SEC14L3: variants seen among roughly 807,000 people sequenced by gnomAD.
The protein encoded by SEC14L3 is SEC14-like protein 3.
SEC14L3 carries 56 observed loss-of-function variants against 57.4 expected under a neutral mutation model. The observed-to-expected ratio is 0.97, with a 90% CI of 0.79 to 1.22. The LOEUF is 1.22. Ranked by LOEUF, SEC14L3 falls within the 50% of genes most tolerant of loss-of-function variation. The probability of loss-of-function intolerance (pLI) is 0.00; values close to 1 mark genes in which losing one functional copy is unlikely to be tolerated. For missense variants in SEC14L3, 485 were observed against 511.7 expected (o/e 0.95, Z 0.50); for synonymous variants, 173 against 194.4 (o/e 0.89, Z 0.92).
At chr22:30,458,990 C>T (rs896941996), downstream of SEC14L3, among the ~76,000 whole-genome samples, 1 of 152,152 alleles carries the variant, frequency 6.6e-6, no homozygotes, top group South Asian at 2.1e-4. Context: ...GGGTGGGCGA[C>T]AGAGCGAGAC....
At chr22:30,460,802 T>C (rs572934379) in intron 11 of SEC14L3, among the ~76,000 whole-genome samples, 1 of 130,820 alleles carries the variant, frequency 7.6e-6, no homozygotes, top group South Asian at 2.3e-4. Flanking sequence ...CACTCCAGCC[T>C]GGACAACAAG....
intron 4 of SEC14L3, 113 bp from the exon 5 acceptor site, chr22:30,468,809 C>A (rs755950611): frequency 6.3e-7 from 1 of 1,592,604 alleles, no homozygotes; most frequent in South Asian, 1.1e-5. Flanking sequence ...AAAGCACTGT[C>A]CCTCCCTGGA....
chr22:30,461,067 G>A (rs1935239563), intron 11 of SEC14L3, among the ~76,000 whole-genome samples: 1 of 152,190 alleles, frequency 6.6e-6, no homozygotes, highest in Non-Finnish European at 1.5e-5. Context: ...ATCACTTGTT[G>A]TCTGTGTTCT....
intron 2 of SEC14L3, 36 bp downstream of exon 2, chr22:30,470,471 C>A: frequency 6.2e-7 from 1 of 1,612,960 alleles, no homozygotes; most frequent in Non-Finnish European, 8.5e-7. Flanking sequence ...CCTCTTGATG[C>A]CCCCTGATCC....
chr22:30,453,500 C>T (rs1265526865), intron 12 of SEC14L3, among the ~76,000 whole-genome samples: 1 of 152,176 alleles, frequency 6.6e-6, no homozygotes, highest in African/African-American at 2.4e-5. Context: ...GCAACCTCCA[C>T]CTCCCGAGTC....
At chr22:30,469,963 G>T in intron 4 of SEC14L3, 56 bp downstream of exon 4, 1 of 1,358,026 alleles carries the variant, frequency 7.4e-7, no homozygotes, top group Non-Finnish European at 1.0e-6. Flanking sequence ...ATGGTCCCCA[G>T]TGACCTTGAG....
downstream of SEC14L3, among the ~76,000 whole-genome samples, chr22:30,455,135 T>C (rs796883226): frequency 1.0e-5 from 1 of 96,652 alleles, no homozygotes; most frequent in African/African-American, 4.3e-5. Context: ...ATATTATATT[T>C]AATATTTAAT....
chr22:30,454,518 TTATTATATATAATCTATAATAA>T (rs1569224905), downstream of SEC14L3, among the ~76,000 whole-genome samples: 7 of 123,052 alleles, frequency 5.7e-5, no homozygotes, highest in African/African-American at 1.6e-4. Flanking sequence ...TATAATAATA[TTATTATATATAATCTATAATAA>T]TATTATATAT....
At chr22:30,460,242 T>G (rs925051060) in intron 11 of SEC14L3, 100 bp from the exon 12 acceptor site, 2 of 1,523,600 alleles carry the variant, frequency 1.3e-6, no homozygotes, top group Admixed American at 1.9e-5. Flanking sequence ...CCCACTGGCT[T>G]TGTTTGCCAA....
chr22:30,457,466 T>C (rs1281446346), downstream of SEC14L3, among the ~76,000 whole-genome samples: 2 of 145,546 alleles, frequency 1.4e-5, no homozygotes, highest in African/African-American at 2.5e-5. Flanking sequence ...CACTGCAATC[T>C]CCACCTCCTG....
At chr22:30,455,712 G>A (rs1156555158), downstream of SEC14L3, among the ~76,000 whole-genome samples, 1 of 151,870 alleles carries the variant, frequency 6.6e-6, no homozygotes, top group African/African-American at 2.4e-5. Context: ...GCATAGTGTT[G>A]CCCACCGGTG....
intron 8 of SEC14L3, among the ~76,000 whole-genome samples, chr22:30,463,524 A>C (rs1392789062): frequency 2.6e-5 from 4 of 152,248 alleles, no homozygotes; most frequent in Non-Finnish European, 5.9e-5. Context: ...AAGGCGTAGA[A>C]GGCATGAGCC....
In SEC14L3 at chr22:30,464,913, T is replaced by C. The variant is rs371741558; in HGVS notation, c.581-10A>G. Reference sequence around the variant, plus strand: ...GGGAACAGTTTGGTAGCTGGAGAGATAGAAGTAAGGATAATGGGAAGAAAA... The same window carrying C: ...GGGAACAGTTTGGTAGCTGGAGAGACAGAAGTAAGGATAATGGGAAGAAAA... On this transcript the variant is annotated splice_polypyrimidine_tract_variant and intron_variant, in intron 7 of 11. Coordinates refer to ENST00000215812, the MANE Select transcript of SEC14L3 (RefSeq NM_174975.5). The C allele has an allele frequency of 4.3e-6, 7 of 1,613,698 alleles. No homozygotes were observed. The highest frequency in any genetic ancestry group is 5.1e-6 in the Non-Finnish European group (6 of 1,179,728).
downstream of SEC14L3, among the ~76,000 whole-genome samples, chr22:30,457,296 T>A (rs1223184190): frequency 2.6e-5 from 4 of 151,874 alleles, no homozygotes; most frequent in African/African-American, 9.7e-5. Context: ...TCTTCCCTCA[T>A]TGGTAGGATT....
intron 1 of SEC14L3, chr22:30,471,232 C>A (rs1329425360): frequency 2.2e-6 from 1 of 446,782 alleles, no homozygotes; most frequent in South Asian, 1.6e-5. Context: ...CTGCAGTGAG[C>A]TGAGATCGCT....
intron 7 of SEC14L3, among the ~76,000 whole-genome samples, chr22:30,465,236 C>G (rs1464987910): frequency 6.6e-6 from 1 of 152,206 alleles, no homozygotes; most frequent in South Asian, 2.1e-4. Flanking sequence ...ACAAACCAAC[C>G]AACTGACAAC....
Position 30,468,664 on chromosome 22 carries a change from A to T in SEC14L3, c.267T>A (p.Cys89Ter). Residue 89 changes from cysteine (C) to a stop codon, truncating the protein, a stop_gained, in exon 5 of 12, where the codon TGT becomes TGA. Transcript: ENST00000215812. LOFTEE classifies it high-confidence loss of function. Reference protein sequence around the residue: ...VIQKYMPGGLCGYDRDGCPVW... With the variant: ...VIQKYMPGGL ...CGGGGCAGCCATCACGGTCATAGCCACACAGGCCCCCAGGCATGTACTTCT... is the reference window on the plus strand; with the variant it reads ...CGGGGCAGCCATCACGGTCATAGCCTCACAGGCCCCCAGGCATGTACTTCT... 6.2e-7 allele frequency: 1 copy of T among 1,613,904 alleles called. No homozygotes were observed. The highest frequency in any genetic ancestry group is 8.5e-7 in the Non-Finnish European group (1 of 1,179,838).
intron 4 of SEC14L3, 121 bp from the exon 5 acceptor site, chr22:30,468,817 G>A: frequency 6.3e-7 from 1 of 1,584,258 alleles, no homozygotes; most frequent in Non-Finnish European, 8.6e-7. Context: ...GTCCCTCCCT[G>A]GAAGACAGTG....
At chr22:30,470,981 G>A (rs188182386) in intron 1 of SEC14L3, among the ~76,000 whole-genome samples, 97 of 152,178 alleles carry the variant, frequency 6.4e-4, no homozygotes, top group Non-Finnish European at 7.8e-4. Context: ...AGAGGGATGG[G>A]TGGATGAAAG....
Sources: gnomAD v4.1 joint callset for allele counts (sites outside exome capture counted in the v4.1 genomes callset) on GRCh38, gnomAD v4.1.1 for gene constraint, MANE v1.5 for transcripts, NCBI Gene and HGNC (gene_info 2026-07-23, HGNC 2026-07-21) for gene names.